EIF4E2: variants seen among roughly 807,000 people sequenced by gnomAD.
EIF4E2 encodes eukaryotic translation initiation factor 4E type 2.
EIF4E2 carries 13 observed loss-of-function variants against 34.2 expected under a neutral mutation model. That is an observed-to-expected ratio of 0.38 (90% CI 0.25 to 0.60). The LOEUF (loss-of-function observed/expected upper bound fraction) is 0.60. Ranked by LOEUF, EIF4E2 falls within the 20% of genes least tolerant of loss-of-function variation. EIF4E2 has a pLI of 0.62. For synonymous variants in EIF4E2, 100 were observed against 106.6 expected, an observed-to-expected ratio of 0.94 and a Z score of 0.38; for missense variants, 222 against 315.1, an observed-to-expected ratio of 0.70 and a Z score of 2.24.
chr2:232,567,391 G>C, intron 6 of EIF4E2, 177 bp downstream of exon 6: 1 of 1,422,604 alleles, frequency 7.0e-7, no homozygotes. Context: ...GAGGCTCCCT[G>C]CCACCTATAC....
downstream of EIF4E2, chr2:232,574,152 C>T: frequency 8.9e-7 from 1 of 1,129,068 alleles, no homozygotes; most frequent in East Asian, 2.6e-5. Flanking sequence ...TGTGGCTCCA[C>T]TCGGCTTGGA....
At chr2:232,552,857 C>T (rs1410653277) in intron 1 of EIF4E2, among the ~76,000 whole-genome samples, 1 of 152,156 alleles carries the variant, frequency 6.6e-6, no homozygotes, top group Non-Finnish European at 1.5e-5. Flanking sequence ...AAACAGCACT[C>T]CTGCCCCTAG....
chr2:232,559,650 G>A (rs548533007), intron 3 of EIF4E2, among the ~76,000 whole-genome samples: 1 of 152,100 alleles, frequency 6.6e-6, no homozygotes, highest in East Asian at 1.9e-4. Flanking sequence ...CTGATCTAAA[G>A]TCTCAAGTTA....
intron 2 of EIF4E2, 94 bp from the exon 3 acceptor site, chr2:232,557,790 G>T: frequency 1.4e-6 from 2 of 1,382,272 alleles, no homozygotes; most frequent in Admixed American, 2.0e-5. Flanking sequence ...TTTTTTAATT[G>T]TGGAGGTGGT....
chr2:232,582,133 C>T (rs535024581), exon 7 of EIF4E2: 18 of 152,774 alleles, frequency 1.2e-4, no homozygotes, highest in Admixed American at 6.5e-4. Flanking sequence ...AGAGAAGTCA[C>T]AAGAGCACCT....
At chr2:232,567,800 C>T (rs919406516) in intron 6 of EIF4E2, 50 of 985,860 alleles carry the variant, frequency 5.1e-5, no homozygotes, top group Non-Finnish European at 5.7e-5. Flanking sequence ...GGAAATAGAG[C>T]TCTCTGTCCA....
chr2:232,554,405 C>T (rs759842607), intron 1 of EIF4E2, among the ~76,000 whole-genome samples: 1 of 152,150 alleles, frequency 6.6e-6, no homozygotes, highest in Non-Finnish European at 1.5e-5. Flanking sequence ...GTGAGCAGAG[C>T]AGGGGCCTTT....
At chr2:232,564,560 C>G (rs1373133494) in intron 4 of EIF4E2, among the ~76,000 whole-genome samples, 5 of 152,254 alleles carry the variant, frequency 3.3e-5, no homozygotes, top group Non-Finnish European at 7.3e-5. Flanking sequence ...ACGCCATTCT[C>G]TTGCCTCAGC....
At chr2:232,580,282 G>T (rs144686090) in intron 6 of EIF4E2, among the ~76,000 whole-genome samples, 6 of 152,164 alleles carry the variant, frequency 3.9e-5, no homozygotes, top group Non-Finnish European at 8.8e-5. Flanking sequence ...TTGGTTTTTT[G>T]TTCATATAAG....
chr2:232,558,246 C>T (rs1314110890), intron 3 of EIF4E2: 5 of 423,196 alleles, frequency 1.2e-5, no homozygotes, highest in Non-Finnish European at 2.1e-5. Context: ...ATCAGAAGGG[C>T]ATAATACAAA....
At chr2:232,583,102 C>T (rs1161011668) in exon 7 of EIF4E2, 1 of 152,124 alleles carries the variant, frequency 6.6e-6, no homozygotes, top group Non-Finnish European at 1.5e-5. Context: ...CTCCATGGGC[C>T]TCTGATATGC....
At chr2:232,561,778 C>T (rs1574664431) in intron 3 of EIF4E2, among the ~76,000 whole-genome samples, 1 of 152,200 alleles carries the variant, frequency 6.6e-6, no homozygotes, top group East Asian at 1.9e-4. Context: ...GTTAGAGCAA[C>T]TCAGTCCTGA....
chr2:232,561,072 T>G (rs1035028496), intron 3 of EIF4E2, among the ~76,000 whole-genome samples: 31 of 152,246 alleles, frequency 2.0e-4, no homozygotes, highest in Admixed American at 5.2e-4. Flanking sequence ...TCTTGGAGTT[T>G]GGAGGAAAGA....
At chr2:232,553,567 A>T (rs1432793482) in intron 1 of EIF4E2, among the ~76,000 whole-genome samples, 1 of 152,226 alleles carries the variant, frequency 6.6e-6, no homozygotes. Flanking sequence ...CTCAGTCTGG[A>T]CAGTCTCAGA....
At chr2:232,579,123 T>TACAA (rs1693285772) in intron 6 of EIF4E2, among the ~76,000 whole-genome samples, 3 of 146,518 alleles carry the variant, frequency 2.0e-5, no homozygotes, top group Non-Finnish European at 4.5e-5. Context: ...AACTCAGAAA[T>TACAA]ACACACACAC....
rs149474055 is a variant in EIF4E2, at chr2:232,552,579, G to A, written c.20+1835G>A. On this transcript the variant is annotated intron_variant, in intron 1 of 6. Coordinates refer to ENST00000258416, the MANE Select transcript of EIF4E2 (RefSeq NM_004846.4). ...TTGTCTCCTTTTACAGATGAGGAAA[G>A]TGAGACTCTGAGGTTAACTAATTCC... 2.9e-3 allele frequency among the ~76,000 whole-genome samples: 441 copies of A among 152,320 alleles called. 2 individuals carry two copies. Among genetic ancestry groups the A allele is most frequent in the African/African-American group, 9.7e-3 (405 of 41,574 alleles).
intron 2 of EIF4E2, chr2:232,557,581 T>G: frequency 3.5e-6 from 1 of 282,032 alleles, no homozygotes; most frequent in Non-Finnish European, 6.8e-6. Context: ...ATGAATCTCA[T>G]AGAGGAGGCA....
intron 6 of EIF4E2, among the ~76,000 whole-genome samples, chr2:232,580,387 C>T (rs1457824491): frequency 6.6e-6 from 1 of 152,130 alleles, no homozygotes; most frequent in African/African-American, 2.4e-5. Context: ...CCTCCATCTG[C>T]CCAGTTTCTA....
intron 2 of EIF4E2, among the ~76,000 whole-genome samples, chr2:232,557,200 G>A (rs558582494): frequency 1.5e-4 from 23 of 152,270 alleles, no homozygotes; most frequent in South Asian, 4.1e-4. Context: ...AGCCGAGGTC[G>A]CGCCACTGCA....
Sources: gnomAD v4.1 joint callset for allele counts (sites outside exome capture counted in the v4.1 genomes callset) on GRCh38, gnomAD v4.1.1 for gene constraint, MANE v1.5 for transcripts, NCBI Gene and HGNC (gene_info 2026-07-23, HGNC 2026-07-21) for gene names.